DNAH11: variants seen among roughly 807,000 people sequenced by gnomAD.
The protein encoded by DNAH11 is axonemal beta dynein heavy chain 11.
Under a neutral mutation model 526.0 loss-of-function variants are expected in DNAH11, and 442 were observed. The ratio of observed to expected loss-of-function variants is 0.84; its 90% confidence interval spans 0.78 to 0.91. The LOEUF (loss-of-function observed/expected upper bound fraction) is 0.91, where lower values mean the gene tolerates loss of function less well. Ranked by LOEUF, DNAH11 falls within the 40% of genes least tolerant of loss-of-function variation. DNAH11 has a pLI of 0.00. For missense variants in DNAH11, 6,989 were observed against 5,448.7 expected, an observed-to-expected ratio of 1.28 and a Z score of -8.90; for synonymous variants, 2,461 against 1,935.9, an observed-to-expected ratio of 1.27 and a Z score of -7.12.
rs543166691 is a variant in DNAH11, at chr7:21,722,789, C to G, written c.7266+1933C>G. On this transcript the variant is annotated intron_variant, in intron 44 of 81. Transcript: ENST00000409508. The stretch of plus-strand genomic sequence containing the variant: ...CTTGTTAATGGAGGCCACATGCAGA[C>G]AGAAGGCAACCCTCCTTCTCCACCA... Among the ~76,000 whole-genome samples, 4 of 152,238 alleles carry G rather than the reference C, an allele frequency of 2.6e-5. No homozygotes were observed. In the East Asian group the frequency reaches 7.7e-4, roughly 29 times the overall value.
intron 47 of DNAH11, 22 bp from the exon 48 acceptor site, chr7:21,739,549 G>C (rs1334620196): frequency 6.3e-7 from 1 of 1,595,024 alleles, no homozygotes; most frequent in East Asian, 2.2e-5. Context: ...TTGGATTTAA[G>C]GTTCTGTTTT....
At chr7:21,587,810 T>C (rs972959596) in intron 9 of DNAH11, among the ~76,000 whole-genome samples, 1 of 152,178 alleles carries the variant, frequency 6.6e-6, no homozygotes. Context: ...ATATTAGCTG[T>C]GAACGGAAAT....
chr7:21,750,109 T>C (rs2128493061), intron 53 of DNAH11, 113 bp from the exon 54 acceptor site: 1 of 1,343,294 alleles, frequency 7.4e-7, no homozygotes. Flanking sequence ...GATTTTAAAC[T>C]CTTACCATTT....
At chr7:21,673,726 A>G (rs1782738425) in intron 30 of DNAH11, among the ~76,000 whole-genome samples, 1 of 152,146 alleles carries the variant, frequency 6.6e-6, no homozygotes, top group South Asian at 2.1e-4. Context: ...CACTCATGCC[A>G]CATCTTTTGT....
At chr7:21,739,778 G>A in intron 48 of DNAH11, 105 bp downstream of exon 48, 1 of 834,220 alleles carries the variant, frequency 1.2e-6, no homozygotes. Flanking sequence ...CGTTTCTCAT[G>A]GCAGCTGTAC....
chr7:21,749,005 C>G (rs946568198), intron 52 of DNAH11, among the ~76,000 whole-genome samples: 1 of 152,118 alleles, frequency 6.6e-6, no homozygotes, highest in African/African-American at 2.4e-5. Flanking sequence ...TAAACACTTG[C>G]TTACACAAAT....
At chr7:21,878,492 C>A (rs1343187490) in intron 74 of DNAH11, among the ~76,000 whole-genome samples, 3 of 152,054 alleles carry the variant, frequency 2.0e-5, no homozygotes, top group African/African-American at 7.2e-5. Context: ...TTTTTTTATA[C>A]CCTTCAAGGT....
At chr7:21,848,334 A>ATCTCTCTCTC (rs145963018) in intron 66 of DNAH11, among the ~76,000 whole-genome samples, 39 of 148,854 alleles carry the variant, frequency 2.6e-4, no homozygotes, top group East Asian at 9.9e-4. Context: ...ATCTTTCTCC[A>ATCTCTCTCTC]TCTCTCTCTC....
At chr7:21,843,402 AG>A (rs915782747) in intron 66 of DNAH11, among the ~76,000 whole-genome samples, 5 of 152,066 alleles carry the variant, frequency 3.3e-5, no homozygotes, top group African/African-American at 1.2e-4. Flanking sequence ...AAAAGATAAA[AG>A]GCAAGTAAGG....
intron 6 of DNAH11, among the ~76,000 whole-genome samples, chr7:21,568,728 AC>A (rs1783768409): frequency 6.6e-6 from 1 of 152,214 alleles, no homozygotes; most frequent in South Asian, 2.1e-4. Flanking sequence ...TACTTTACAT[AC>A]AAGTAATTAG....
chr7:21,683,678 A>G, intron 31 of DNAH11, 106 bp from the exon 32 acceptor site: 3 of 1,267,164 alleles, frequency 2.4e-6, no homozygotes, highest in East Asian at 2.5e-5. Context: ...GAGATTTCCT[A>G]TTTATGAGAA....
chr7:21,649,625 TG>T (rs1253272278), intron 28 of DNAH11, among the ~76,000 whole-genome samples: 1 of 151,812 alleles, frequency 6.6e-6, no homozygotes, highest in African/African-American at 2.4e-5. Flanking sequence ...GCATGCACCA[TG>T]AGGAGTCTTA....
Position 21,823,981 on chromosome 7 carries a change from T to C in DNAH11, c.10691+5642T>C, listed in dbSNP as rs896483792. Among the ~76,000 whole-genome samples, 4 of 152,306 alleles carry C rather than the reference T, an allele frequency of 2.6e-5. No individual in the cohort carries two copies. In the East Asian group the frequency reaches 7.7e-4, roughly 29 times the overall value. ...GAACAAGCCTAGAGCCTGTTCAGGA[T>C]ATGCAGTCTGCTAAGAGATTCCTGT... is the stretch of plus-strand genomic sequence containing the variant. On this transcript the variant is annotated intron_variant, in intron 65 of 81. Coordinates refer to ENST00000409508, the MANE Select transcript of DNAH11 (RefSeq NM_001277115.2).
chr7:21,696,666 C>T (rs1014021099), intron 35 of DNAH11, among the ~76,000 whole-genome samples: 5 of 152,078 alleles, frequency 3.3e-5, no homozygotes, highest in African/African-American at 1.2e-4. Flanking sequence ...GTGACGAAAG[C>T]ATTACTCATG....
At chr7:21,832,250 G>A (rs1419090687) in intron 65 of DNAH11, among the ~76,000 whole-genome samples, 2 of 152,162 alleles carry the variant, frequency 1.3e-5, no homozygotes, top group Non-Finnish European at 2.9e-5. Flanking sequence ...TTGCCTGTTA[G>A]TTGATGCAGT....
chr7:21,589,501 T>C (rs1784599429), intron 12 of DNAH11, 98 bp downstream of exon 12: 1 of 1,066,038 alleles, frequency 9.4e-7, no homozygotes. Flanking sequence ...TTTGGGAAAA[T>C]GTCAGAGTTG....
intron 43 of DNAH11, 88 bp downstream of exon 43, chr7:21,718,013 A>G: frequency 6.7e-7 from 1 of 1,489,722 alleles, no homozygotes; most frequent in Non-Finnish European, 9.0e-7. Context: ...GCCTTGCCCA[A>G]GAAAGTGAGA....
At chr7:21,680,206 A>G (rs749026697) in intron 30 of DNAH11, among the ~76,000 whole-genome samples, 1 of 152,188 alleles carries the variant, frequency 6.6e-6, no homozygotes, top group African/African-American at 2.4e-5. Context: ...ATAATAGTAC[A>G]GTAGTGGACC....
chr7:21,699,934 A>G (rs17145044), intron 36 of DNAH11, among the ~76,000 whole-genome samples: 2,876 of 152,298 alleles, frequency 0.019, 54 homozygotes, highest in African/African-American at 0.052. Flanking sequence ...TAGGTAATTC[A>G]GTTTACATGA....
Sources: gnomAD v4.1 joint callset for allele counts (sites outside exome capture counted in the v4.1 genomes callset) on GRCh38, gnomAD v4.1.1 for gene constraint, MANE v1.5 for transcripts, NCBI Gene and HGNC (gene_info 2026-07-23, HGNC 2026-07-21) for gene names.